The following VPS53 variants were observed in gnomAD, a reference collection of about 807,000 sequenced individuals.
VPS53 encodes the protein vacuolar protein sorting-associated protein 53 homolog.
In VPS53, 70 loss-of-function variants were observed where a neutral mutation model predicts 107.0. The observed-to-expected ratio is 0.65, with a 90% CI of 0.54 to 0.80. VPS53 has a LOEUF of 0.80. Ranked by LOEUF, VPS53 falls within the 30% of genes least tolerant of loss-of-function variation. The probability of loss-of-function intolerance (pLI) is 0.00; values close to 1 mark genes in which losing one functional copy is unlikely to be tolerated. For synonymous variants in VPS53, 409 were observed against 393.3 expected (o/e 1.04, Z -0.47); for missense variants, 917 against 1,049.4 (o/e 0.87, Z 1.74).
At chr17:639,231 C>G (rs185792773) in intron 7 of VPS53, among the ~76,000 whole-genome samples, 7 of 152,302 alleles carry the variant, frequency 4.6e-5, no homozygotes, top group Admixed American at 2.6e-4. Flanking sequence ...CTTGTGCGCT[C>G]GTCAGGTAGT....
chr17:711,429 G>A (rs1040185787), intron 1 of VPS53, among the ~76,000 whole-genome samples: 1 of 152,210 alleles, frequency 6.6e-6, no homozygotes, highest in African/African-American at 2.4e-5. Flanking sequence ...TGTTAGAAAA[G>A]CTGAAGCCTT....
Position 654,754 on chromosome 17 carries a change from AG to A in VPS53, c.488+1083del, listed in dbSNP as rs1237624476. 1.4e-4 allele frequency among the ~76,000 whole-genome samples: 21 copies of A among 150,964 alleles called. No individual in the cohort carries two copies. The East Asian group carries it at 3.7e-3, about 26-fold the overall frequency. On this transcript the variant is annotated intron_variant, in intron 6 of 21. Coordinates refer to ENST00000437048, the MANE Select transcript of VPS53 (RefSeq NM_001128159.3). ...TCCAACTCAAAAAAAAAAAAAAAAA[AG>A]AAAAAAGAAAAAGACAGGATCAAGT...
intron 4 of VPS53, among the ~76,000 whole-genome samples, chr17:667,551 G>A: frequency 1.2e-5 from 1 of 84,496 alleles, no homozygotes; most frequent in African/African-American, 5.2e-5. Context: ...ATGTTCTGGG[G>A]GGGGCAATGG....
At chr17:537,376 G>A (rs922542982) in intron 17 of VPS53, 200 bp from the exon 18 acceptor site, 20 of 600,354 alleles carry the variant, frequency 3.3e-5, no homozygotes, top group Admixed American at 2.5e-4. Flanking sequence ...CAGCGGACCC[G>A]ACAGTGAGGT....
At chr17:527,253 C>T (rs899702085) in intron 19 of VPS53, among the ~76,000 whole-genome samples, 4 of 151,798 alleles carry the variant, frequency 2.6e-5, no homozygotes, top group African/African-American at 9.7e-5. Flanking sequence ...TAGCTAGTTG[C>T]CTGCTCATAA....
At chr17:612,723 T>C (rs1366858102) in intron 11 of VPS53, among the ~76,000 whole-genome samples, 2 of 136,764 alleles carry the variant, frequency 1.5e-5, no homozygotes, top group Non-Finnish European at 3.2e-5. Flanking sequence ...TTCACATAGT[T>C]CACACAGCGA....
chr17:669,291 T>A (rs1971834117), intron 4 of VPS53, among the ~76,000 whole-genome samples: 1 of 152,050 alleles, frequency 6.6e-6, no homozygotes, highest in African/African-American at 2.4e-5. Flanking sequence ...AGACACTTTT[T>A]AAAATAAAAA....
Position 509,354 on chromosome 17 carries a change from T to A in VPS53, c.*9774A>T. On this transcript the variant is annotated 3_prime_UTR_variant, in exon 22 of 22. Coordinates refer to ENST00000437048, the MANE Select transcript of VPS53 (RefSeq NM_001128159.3). ...GGCTCACCCCTCACTAGTCACATAT[T>A]GAATCCTGGCTCACCCCTCACTAGT... is the stretch of plus-strand genomic sequence containing the variant. 2.6e-5 allele frequency: 3 copies of A among 114,782 alleles called. No homozygotes were observed. The highest frequency in any genetic ancestry group is 2.2e-4 in the South Asian group (1 of 4,610). The allele number at this position is 114,782 out of a possible 1,614,324, so 7.1% of individuals were successfully genotyped here. A position where few individuals can be genotyped will look rare whatever the true frequency, so the allele number is the denominator to read the frequency against.
intron 4 of VPS53, among the ~76,000 whole-genome samples, chr17:672,152 AATCTCTCT>A (rs1971981349): frequency 1.5e-4 from 18 of 118,828 alleles, no homozygotes; most frequent in South Asian, 5.5e-4. Flanking sequence ...ACACACACAC[AATCTCTCT>A]CTCACACAAT....
intron 3 of VPS53, 118 bp downstream of exon 3, chr17:699,213 C>T: frequency 1.5e-6 from 1 of 664,576 alleles, no homozygotes; most frequent in Admixed American, 3.5e-5. Context: ...ATTATATTAC[C>T]ATCTATGGCA....
chr17:541,322 C>G (rs962377117), intron 17 of VPS53, among the ~76,000 whole-genome samples: 1 of 152,204 alleles, frequency 6.6e-6, no homozygotes, highest in Non-Finnish European at 1.5e-5. Context: ...GTTTATCAAC[C>G]GCCTGCCACA....
chr17:571,893 C>T (rs1367482728), intron 13 of VPS53, among the ~76,000 whole-genome samples: 2 of 152,312 alleles, frequency 1.3e-5, no homozygotes, highest in Middle Eastern at 6.8e-3. Context: ...CGGCTCGCTA[C>T]AACCTCCACC....
At chr17:568,100 G>A (rs1913708009) in intron 13 of VPS53, among the ~76,000 whole-genome samples, 1 of 152,048 alleles carries the variant, frequency 6.6e-6, no homozygotes. Context: ...TTCTCTGGTG[G>A]GCCTGCAGTC....
chr17:658,537 C>A (rs888640028), intron 5 of VPS53, among the ~76,000 whole-genome samples: 32 of 151,048 alleles, frequency 2.1e-4, no homozygotes, highest in African/African-American at 7.5e-4. Flanking sequence ...ATAGATACAT[C>A]CCACCAAAGT....
chr17:647,282 GT>G (rs1970749976), intron 7 of VPS53, among the ~76,000 whole-genome samples: 1 of 152,114 alleles, frequency 6.6e-6, no homozygotes, highest in African/African-American at 2.4e-5. Context: ...GCATATACCA[GT>G]TTTGTTACAT....
At chr17:702,267 CTGAT>C (rs1187895103) in intron 2 of VPS53, among the ~76,000 whole-genome samples, 1 of 152,082 alleles carries the variant, frequency 6.6e-6, no homozygotes, top group Non-Finnish European at 1.5e-5. Context: ...GGAAAGAAGA[CTGAT>C]TGAGTCTGTA....
chr17:550,986 T>G (rs1292587617), intron 17 of VPS53, among the ~76,000 whole-genome samples: 1 of 152,118 alleles, frequency 6.6e-6, no homozygotes, highest in Non-Finnish European at 1.5e-5. Context: ...AGTTACTACT[T>G]TAAGCACTAA....
At chr17:708,663 G>A (rs543080018) in intron 2 of VPS53, among the ~76,000 whole-genome samples, 2 of 152,164 alleles carry the variant, frequency 1.3e-5, no homozygotes, top group East Asian at 1.9e-4. Flanking sequence ...GCTAAGTAAC[G>A]GGTGCCTTCC....
intron 15 of VPS53, among the ~76,000 whole-genome samples, chr17:557,034 G>C (rs1912493057): frequency 6.6e-6 from 1 of 151,566 alleles, no homozygotes; most frequent in African/African-American, 2.4e-5. Context: ...TATTCTTTTA[G>C]TAGAGACGGG....
Sources: gnomAD v4.1 joint callset for allele counts (sites outside exome capture counted in the v4.1 genomes callset) on GRCh38, gnomAD v4.1.1 for gene constraint, MANE v1.5 for transcripts, NCBI Gene and HGNC (gene_info 2026-07-23, HGNC 2026-07-21) for gene names.